PTPRG: variants seen among roughly 807,000 people sequenced by gnomAD.
The protein encoded by PTPRG is receptor-type tyrosine-protein phosphatase gamma.
PTPRG carries 102 observed loss-of-function variants against 165.3 expected under a neutral mutation model. The ratio of observed to expected loss-of-function variants is 0.62; its 90% CI spans 0.53 to 0.73. The LOEUF is 0.73. Among genes scored for constraint, PTPRG ranks in the 30% least tolerant of loss-of-function variants. PTPRG has a pLI of 0.00. For missense variants in PTPRG, 1,866 were observed against 1,861.4 expected (o/e 1.00, Z -0.05); for synonymous variants, 675 against 669.5 (o/e 1.01, Z -0.13).
chr3:62,187,661 T>C (rs989544801), intron 8 of PTPRG, among the ~76,000 whole-genome samples: 1 of 152,090 alleles, frequency 6.6e-6, no homozygotes, highest in African/African-American at 2.4e-5. Context: ...ACAGAAAAAA[T>C]GTTTGCCATC....
At chr3:61,957,058 A>G (rs2040049452) in intron 2 of PTPRG, among the ~76,000 whole-genome samples, 1 of 152,194 alleles carries the variant, frequency 6.6e-6, no homozygotes, top group South Asian at 2.1e-4. Context: ...TACAGATAAA[A>G]ACTTGTACTG....
At chr3:61,763,470 A>G (rs1219708965) in intron 2 of PTPRG, among the ~76,000 whole-genome samples, 4 of 151,468 alleles carry the variant, frequency 2.6e-5, no homozygotes, top group African/African-American at 9.7e-5. Context: ...GTTTCAAGCA[A>G]TTCTCTTGCC....
chr3:61,865,182 A>G (rs1484923210), intron 2 of PTPRG, among the ~76,000 whole-genome samples: 1 of 152,082 alleles, frequency 6.6e-6, no homozygotes, highest in African/African-American at 2.4e-5. Context: ...TGCCTTGGAT[A>G]TTTGTGGGGT....
In PTPRG at chr3:62,271,674, G is replaced by T. The variant is rs1172841994; in HGVS notation, c.3182+119G>T. Reference sequence around the variant, plus strand: ...GAAGCTGAATCTTCCACTGGAAACTGGGATGGATAAGACCTATGATAGTCT... The same window carrying T: ...GAAGCTGAATCTTCCACTGGAAACTTGGATGGATAAGACCTATGATAGTCT... On this transcript the variant is annotated intron_variant, in intron 21 of 29. Coordinates refer to ENST00000474889, the MANE Select transcript of PTPRG (RefSeq NM_002841.4). The surrounding 1 kb of genome is among the most constrained non-coding windows in gnomAD (Gnocchi z 4.1). 3.2e-5 allele frequency: 29 copies of T among 896,460 alleles called. No individual in the cohort carries two copies. The highest frequency in any genetic ancestry group is 4.6e-5 in the Non-Finnish European group (28 of 607,158). 55.5% of individuals were successfully genotyped at this position (896,460 alleles called of 1,614,324 possible). A position where few individuals can be genotyped will look rare whatever the true frequency, so the allele number is the denominator to read the frequency against.
At chr3:61,826,440 C>T (rs1386982331) in intron 2 of PTPRG, among the ~76,000 whole-genome samples, 1 of 152,078 alleles carries the variant, frequency 6.6e-6, no homozygotes, top group Non-Finnish European at 1.5e-5. Context: ...TATCCTTTCA[C>T]CTGACCCTCC....
chr3:62,075,323 A>C (rs1282552073), intron 4 of PTPRG, among the ~76,000 whole-genome samples: 2 of 152,206 alleles, frequency 1.3e-5, no homozygotes, highest in African/African-American at 4.8e-5. Flanking sequence ...AGTGAAGTGT[A>C]ATTTTCTGAA....
At chr3:62,161,041 G>A (rs1313131641) in intron 7 of PTPRG, among the ~76,000 whole-genome samples, 2 of 151,674 alleles carry the variant, frequency 1.3e-5, no homozygotes, top group Admixed American at 1.3e-4. Flanking sequence ...TTTGTTCTTC[G>A]GCCAAATTAC....
intron 8 of PTPRG, among the ~76,000 whole-genome samples, chr3:62,184,916 G>A (rs1423758781): frequency 1.3e-5 from 2 of 152,080 alleles, no homozygotes; most frequent in Non-Finnish European, 2.9e-5. Flanking sequence ...GAAGGCCCCT[G>A]GAGGAACCTT....
intron 8 of PTPRG, among the ~76,000 whole-genome samples, chr3:62,179,321 C>A (rs1390481133): frequency 6.6e-6 from 1 of 152,194 alleles, no homozygotes; most frequent in Non-Finnish European, 1.5e-5. Context: ...CTGGGCAACT[C>A]TCTTGACTGG....
At chr3:62,101,913 A>C (rs1702300637) in intron 5 of PTPRG, among the ~76,000 whole-genome samples, 1 of 152,226 alleles carries the variant, frequency 6.6e-6, no homozygotes, top group Non-Finnish European at 1.5e-5. Flanking sequence ...AACAGCAGGC[A>C]TTATTATCTT....
intron 1 of PTPRG, among the ~76,000 whole-genome samples, chr3:61,697,648 G>A (rs2030684100): frequency 6.6e-6 from 1 of 152,138 alleles, no homozygotes; most frequent in African/African-American, 2.4e-5. Flanking sequence ...CCAGTATTCA[G>A]TCCCATTCAG....
chr3:62,271,977 C>A lies in PTPRG; in HGVS notation c.3182+422C>A, dbSNP rs1265964859. ...CAGCATGGTGGCACATGCCTGTGGT[C>A]CCAGCTACATGGGAGGCTGAGACAG... On this transcript the variant is annotated intron_variant, in intron 21 of 29. Transcript: ENST00000474889. This position sits in a 1 kb window ranked among gnomAD's most constrained non-coding sequence, Gnocchi z 4.1. Among the ~76,000 whole-genome samples the A allele has an allele frequency of 2.0e-5, 3 of 152,124 alleles. 1 individual carries two copies. In the South Asian group the frequency reaches 6.2e-4, roughly 32 times the overall value.
At chr3:62,094,251 C>T (rs186672373) in intron 5 of PTPRG, among the ~76,000 whole-genome samples, 298 of 152,292 alleles carry the variant, frequency 2.0e-3, no homozygotes, top group South Asian at 0.01. Flanking sequence ...AAACTCCCTA[C>T]CCCCTTTTTC....
chr3:62,178,590 A>G (rs377321623), intron 8 of PTPRG, among the ~76,000 whole-genome samples: 2 of 152,232 alleles, frequency 1.3e-5, no homozygotes. Context: ...GGAACAGCCT[A>G]AAAGCAGAGA....
In PTPRG at chr3:62,229,860, G is replaced by A. The variant is rs567316621; in HGVS notation, c.2289-1365G>A. ...GTGAGGAAAAACTGCGGAGATAGCCGGCTCTGCTCCAAAATTCCTGAAAGA... is the reference window on the plus strand; with the variant it reads ...GTGAGGAAAAACTGCGGAGATAGCCAGCTCTGCTCCAAAATTCCTGAAAGA... On this transcript the variant is annotated intron_variant, in intron 13 of 29. Coordinates refer to ENST00000474889, the MANE Select transcript of PTPRG (RefSeq NM_002841.4). This position sits in a 1 kb window ranked among gnomAD's most constrained non-coding sequence, Gnocchi z 4.6. Among the ~76,000 whole-genome samples the A allele has an allele frequency of 6.1e-4, 93 of 152,190 alleles. No individual in the cohort carries two copies. Among genetic ancestry groups the A allele is most frequent in the Non-Finnish European group, 1.2e-3 (83 of 68,038 alleles).
At chr3:62,159,696 G>T (rs1209488988) in intron 7 of PTPRG, among the ~76,000 whole-genome samples, 3 of 152,158 alleles carry the variant, frequency 2.0e-5, no homozygotes, top group Admixed American at 2.0e-4. Context: ...TCTAGGTATT[G>T]TATTTCAGGG....
intron 1 of PTPRG, among the ~76,000 whole-genome samples, chr3:61,688,443 C>T (rs778163394): frequency 1.3e-5 from 2 of 151,982 alleles, no homozygotes; most frequent in South Asian, 2.1e-4. Context: ...TTTTCTCAGT[C>T]GCCTCCATCT....
At chr3:61,669,038 C>T (rs1029606172) in intron 1 of PTPRG, among the ~76,000 whole-genome samples, 1 of 151,906 alleles carries the variant, frequency 6.6e-6, no homozygotes, top group African/African-American at 2.4e-5. Context: ...CAGTTTTGTC[C>T]CCTGGTAAAA....
chr3:62,225,097 GA>G (rs1226568613), intron 13 of PTPRG, among the ~76,000 whole-genome samples: 4 of 152,124 alleles, frequency 2.6e-5, no homozygotes, highest in Admixed American at 1.3e-4. Flanking sequence ...GAAATAAGGG[GA>G]AAAAATCAAT....
Sources: allele counts gnomAD v4.1 joint callset (sites outside exome capture counted in the v4.1 genomes callset), GRCh38; gene constraint gnomAD v4.1.1; non-coding constraint Gnocchi (gnomAD v3.1); transcripts MANE v1.5; gene names NCBI Gene and HGNC (gene_info 2026-07-23, HGNC 2026-07-21).